The following SFI1 variants were observed in gnomAD, a reference collection of about 807,000 sequenced individuals.
SFI1 encodes the protein SFI1 centrin binding protein, also known as protein SFI1 homolog.
In SFI1, 195 loss-of-function variants were observed where a neutral mutation model predicts 207.5. That is an observed-to-expected ratio of 0.94 (90% confidence interval 0.84 to 1.06). The LOEUF is 1.06. SFI1 is among the 50% of genes least tolerant of loss of function. The probability of loss-of-function intolerance (pLI) is 0.00; values close to 1 mark genes in which losing one functional copy is unlikely to be tolerated. For missense variants in SFI1, 1,634 were observed against 1,588.0 expected, an observed-to-expected ratio of 1.03 and a Z score of -0.49; for synonymous variants, 630 against 598.9, an observed-to-expected ratio of 1.05 and a Z score of -0.76.
At position 31,556,212 on chromosome 22, in the gene SFI1, T is replaced by A. The variant is rs557411793; in HGVS notation, c.545-730T>A. Among the ~76,000 whole-genome samples the A allele has an allele frequency of 5.2e-4, 79 of 151,290 alleles. 1 individual carries two copies. In the South Asian group the frequency reaches 0.015, roughly 28 times the overall value. ...ACTTTAAATATCTATACAATTGAAA[T>A]TTTTTTTTCTTTTCTTTTTTTTTTT... On this transcript the variant is annotated intron_variant, in intron 6 of 32. Transcript: ENST00000400288.
rs925374072 is a variant in SFI1, at chr22:31,611,746, G to C, written c.2416-20G>C. Reference sequence around the variant, plus strand: ...AGGCTGGGTCAGGACGCCACTCTCTGTGCACTTGCTCTCCCCCAGCTCCTG... The same window carrying C: ...AGGCTGGGTCAGGACGCCACTCTCTCTGCACTTGCTCTCCCCCAGCTCCTG... On this transcript the variant is annotated intron_variant, in intron 23 of 32. Coordinates refer to ENST00000400288, the MANE Select transcript of SFI1 (RefSeq NM_001007467.3). 5.0e-6 allele frequency: 8 copies of C among 1,610,458 alleles called. No individual in the cohort carries two copies. The African/African-American group carries it at 9.3e-5, about 19-fold the overall frequency.
intron 2 of SFI1, among the ~76,000 whole-genome samples, chr22:31,525,052 C>T (rs975496961): frequency 6.6e-6 from 1 of 152,066 alleles, no homozygotes; most frequent in Admixed American, 6.6e-5. Flanking sequence ...CCTTGGCCTC[C>T]GAAACTGCTG....
intron 8 of SFI1, among the ~76,000 whole-genome samples, chr22:31,568,507 G>A (rs2062621299): frequency 7.0e-6 from 1 of 142,426 alleles, no homozygotes; most frequent in South Asian, 2.3e-4. Flanking sequence ...ACTTCAGCCT[G>A]GGCGACAGGG....
chr22:31,582,803 T>G (rs1353375926), intron 12 of SFI1, among the ~76,000 whole-genome samples: 1 of 152,232 alleles, frequency 6.6e-6, no homozygotes, highest in Non-Finnish European at 1.5e-5. Flanking sequence ...GGTGGAATCA[T>G]ATAGTATTTG....
rs1016208321 is a variant in SFI1, at chr22:31,530,704, A to G, written c.267-354A>G. On this transcript the variant is annotated intron_variant, in intron 3 of 32. Coordinates refer to ENST00000400288, the MANE Select transcript of SFI1 (RefSeq NM_001007467.3). The stretch of plus-strand genomic sequence containing the variant: ...GAGTGCTGAGAGTACACAGCTACTC[A>G]CTCTGTTTACATTGGAGAAGGTTCA... 2.0e-5 allele frequency: 9 copies of G among 444,732 alleles called. No homozygotes were observed. The East Asian group carries it at 6.3e-4, about 31-fold the overall frequency. 27.5% of individuals were successfully genotyped at this position (444,732 alleles called of 1,614,324 possible). A position where few individuals can be genotyped will look rare whatever the true frequency, so the allele number is the denominator to read the frequency against.
At chr22:31,523,892 G>A (rs1296063217) in intron 2 of SFI1, among the ~76,000 whole-genome samples, 1 of 151,040 alleles carries the variant, frequency 6.6e-6, no homozygotes, top group Non-Finnish European at 1.5e-5. Context: ...GATTAAGCAA[G>A]TGATTTTTGT....
At chr22:31,545,782 T>G (rs2060025302) in intron 4 of SFI1, among the ~76,000 whole-genome samples, 1 of 151,196 alleles carries the variant, frequency 6.6e-6, no homozygotes, top group Admixed American at 6.6e-5. Context: ...GGTTTTACTA[T>G]GCTGGCCAGG....
intron 8 of SFI1, among the ~76,000 whole-genome samples, chr22:31,562,342 G>A (rs2061791996): frequency 6.6e-6 from 1 of 150,908 alleles, no homozygotes; most frequent in Non-Finnish European, 1.5e-5. Flanking sequence ...TGAGGCAATA[G>A]CAAGGAAATA....
chr22:31,617,020 G>A lies in SFI1; in HGVS notation c.3454G>A (p.Glu1152Lys), dbSNP rs143349198. 1 of 1,614,066 alleles carries A rather than the reference G, an allele frequency of 6.2e-7. No homozygotes were observed. Among genetic ancestry groups the A allele is most frequent in the Non-Finnish European group, 8.5e-7 (1 of 1,180,020 alleles). The change falls in exon 31 of 33, where the codon GAA becomes AAA. Residue 1152 changes from glutamate (E) to lysine (K), a missense_variant. Transcript: ENST00000400288. ...STAGSLDLEA[E>K]LEEIQQQLLH... Reference sequence around the variant, plus strand: ...CATAGGCAGCCTGGACCTTGAGGCTGAACTTGAGGAGATCCAGCAGCAACT... The same window carrying A: ...CATAGGCAGCCTGGACCTTGAGGCTAAACTTGAGGAGATCCAGCAGCAACT...
intron 2 of SFI1, among the ~76,000 whole-genome samples, chr22:31,520,897 A>G (rs1445788851): frequency 2.0e-5 from 3 of 150,788 alleles, no homozygotes; most frequent in African/African-American, 4.9e-5. Flanking sequence ...CCAGCTGCTC[A>G]GGAGTCTAAA....
intron 5 of SFI1, among the ~76,000 whole-genome samples, chr22:31,548,597 C>T (rs144998312): frequency 5.6e-4 from 84 of 150,368 alleles, no homozygotes; most frequent in Admixed American, 4.9e-3. Flanking sequence ...GAGTCGAGAT[C>T]GCACCACTGT....
rs752422385 is a variant in SFI1, at chr22:31,522,064, CTT to C, written c.93-6606_93-6605del. Among the ~76,000 whole-genome samples, 552 of 76,340 alleles carry C rather than the reference CTT, an allele frequency of 7.2e-3. 4 individuals carry two copies. Among genetic ancestry groups the C allele is most frequent in the African/African-American group, 0.026 (498 of 18,894 alleles). The allele number at this position is 76,340 out of a possible 152,430, so 50.1% of individuals were successfully genotyped here. A position where few individuals can be genotyped will look rare whatever the true frequency, so the allele number is the denominator to read the frequency against. The stretch of plus-strand genomic sequence containing the variant: ...ACAAGTGTGAGCCACTACACCTGGC[CTT>C]TTTTTTTTTTTTTTTTTTTGAGATG... On this transcript the variant is annotated intron_variant, in intron 2 of 32. Coordinates refer to ENST00000400288, the MANE Select transcript of SFI1 (RefSeq NM_001007467.3).
At chr22:31,582,730 GC>G (rs1328566312) in intron 12 of SFI1, among the ~76,000 whole-genome samples, 2 of 151,816 alleles carry the variant, frequency 1.3e-5, no homozygotes, top group Non-Finnish European at 1.5e-5. Flanking sequence ...TCTTTCCTCA[GC>G]CCCTGGAAAC....
At chr22:31,569,105 G>C (rs2145736556) in intron 8 of SFI1, among the ~76,000 whole-genome samples, 1 of 152,270 alleles carries the variant, frequency 6.6e-6, no homozygotes, top group South Asian at 2.1e-4. Context: ...GGGTTAATGA[G>C]AGAGAAGCCT....
intron 15 of SFI1, among the ~76,000 whole-genome samples, chr22:31,591,241 C>CT (rs1569411312): frequency 6.6e-6 from 1 of 152,140 alleles, no homozygotes; most frequent in African/African-American, 2.4e-5. Context: ...CCATTTAACT[C>CT]TGAGTGGACA....
Position 31,558,682 on chromosome 22 carries a change from T to C in SFI1, c.662+1623T>C, listed in dbSNP as rs9621281. Among the ~76,000 whole-genome samples the C allele has an allele frequency of 7.3e-3, 1,104 of 152,258 alleles. 23 individuals are homozygous for C. The highest frequency in any genetic ancestry group is 0.024 in the African/African-American group (1,001 of 41,532). On this transcript the variant is annotated intron_variant, in intron 7 of 32. Coordinates refer to ENST00000400288, the MANE Select transcript of SFI1 (RefSeq NM_001007467.3). The stretch of plus-strand genomic sequence containing the variant: ...TTACTAGAGGCAGGGTTTCACCATG[T>C]TGGCCAGCCTTGTCTCGAACTCCTG...
intron 24 of SFI1, 188 bp downstream of exon 24, chr22:31,612,028 G>A: frequency 2.2e-6 from 3 of 1,388,032 alleles, no homozygotes; most frequent in Non-Finnish European, 2.8e-6. Context: ...TCTGCAGTCT[G>A]CATAAGAACA....
intron 1 of SFI1, among the ~76,000 whole-genome samples, chr22:31,504,565 C>G (rs2054329433): frequency 6.6e-6 from 1 of 152,178 alleles, no homozygotes; most frequent in Non-Finnish European, 1.5e-5. Flanking sequence ...TGTCTTACTA[C>G]TTGTATTAGT....
chr22:31,562,142 T>C (rs1047880613), intron 8 of SFI1, among the ~76,000 whole-genome samples: 2 of 152,190 alleles, frequency 1.3e-5, no homozygotes, highest in African/African-American at 2.4e-5. Context: ...CTGCTTTCTG[T>C]TTTTGTAAAT....
Sources: allele counts gnomAD v4.1 joint callset (sites outside exome capture counted in the v4.1 genomes callset), GRCh38; gene constraint gnomAD v4.1.1; transcripts MANE v1.5; gene names NCBI Gene and HGNC (gene_info 2026-07-23, HGNC 2026-07-21).